Variants in STOX2 observed in about 807,000 individuals in gnomAD.
STOX2 encodes storkhead-box protein 2.
STOX2 carries 28 observed loss-of-function variants against 60.9 expected under a neutral mutation model. The ratio of observed to expected loss-of-function variants is 0.46; its 90% CI spans 0.34 to 0.63. STOX2 has a LOEUF of 0.63. Among genes scored for constraint, STOX2 ranks in the 30% least tolerant of loss-of-function variants. The pLI is 0.01. For missense variants in STOX2, 1,024 were observed against 1,187.7 expected, an observed-to-expected ratio of 0.86 and a Z score of 2.03; for synonymous variants, 472 against 463.9, an observed-to-expected ratio of 1.02 and a Z score of -0.22.
intron 1 of STOX2, among the ~76,000 whole-genome samples, chr4:183,944,618 C>G (rs1442236985): frequency 4.6e-5 from 7 of 152,060 alleles, no homozygotes; most frequent in Non-Finnish European, 8.8e-5. Context: ...GGAGGCTGAG[C>G]CAGGAGAATT....
At chr4:183,886,767 G>T (rs777535541) in intron 1 of STOX2, among the ~76,000 whole-genome samples, 3 of 152,058 alleles carry the variant, frequency 2.0e-5, no homozygotes, top group Non-Finnish European at 4.4e-5. Context: ...AAGCACAGAC[G>T]TCTCATTAGT....
Position 183,856,635 on chromosome 4 carries a change from C to T in STOX2, c.364+58580C>T, listed in dbSNP as rs532512227. Among the ~76,000 whole-genome samples, 3 of 152,254 alleles carry T rather than the reference C, an allele frequency of 2.0e-5. No homozygotes were observed. Among genetic ancestry groups the T allele is most frequent in the Middle Eastern group, 3.4e-3 (1 of 294 alleles). On this transcript the variant is annotated intron_variant, in intron 1 of 2. Coordinates refer to the STOX2 transcript ENST00000513034. This position sits in a 1 kb window ranked among gnomAD's most constrained non-coding sequence, Gnocchi z 4.0. ...ATGGTAGGGTGGTTCATGTGAACAT[C>T]GCTTTGCAGTTAGCTGTCTCGGACT...
intron 1 of STOX2, among the ~76,000 whole-genome samples, chr4:183,966,203 C>G (rs73008320): frequency 0.032 from 4,807 of 152,212 alleles, 83 homozygotes; most frequent in Admixed American, 0.064. Flanking sequence ...GTGGGTGGGC[C>G]TGCCCCTGTG....
intron 1 of STOX2, among the ~76,000 whole-genome samples, chr4:183,811,765 T>G (rs1739038342): frequency 6.6e-6 from 1 of 152,180 alleles, no homozygotes; most frequent in Non-Finnish European, 1.5e-5. Flanking sequence ...TCTCCTCTCT[T>G]TCTTCTTTTA....
intron 1 of STOX2, among the ~76,000 whole-genome samples, chr4:183,935,546 G>A (rs375398073): frequency 6.6e-6 from 1 of 152,248 alleles, no homozygotes; most frequent in South Asian, 2.1e-4. Flanking sequence ...GGGCCCAGGG[G>A]CCCAGCAGTT....
intron 1 of STOX2, among the ~76,000 whole-genome samples, chr4:183,866,501 G>C (rs913100893): frequency 5.3e-5 from 8 of 152,074 alleles, no homozygotes; most frequent in African/African-American, 1.7e-4. Flanking sequence ...CAGGCATTTT[G>C]CCTGATTTAT....
At chr4:183,938,397 G>A (rs1302811571) in intron 1 of STOX2, among the ~76,000 whole-genome samples, 1 of 152,146 alleles carries the variant, frequency 6.6e-6, no homozygotes, top group Non-Finnish European at 1.5e-5. Context: ...GGCTGAGCAC[G>A]GTGGCTCACG....
chr4:183,829,792 A>T (rs1280231481), intron 1 of STOX2, among the ~76,000 whole-genome samples: 1 of 152,190 alleles, frequency 6.6e-6, no homozygotes, highest in East Asian at 1.9e-4. Context: ...AATGAACTTT[A>T]TAATTAGATT....
intron 1 of STOX2, among the ~76,000 whole-genome samples, chr4:183,983,664 G>A (rs1202851252): frequency 6.6e-6 from 1 of 152,224 alleles, no homozygotes; most frequent in Non-Finnish European, 1.5e-5. Context: ...GGAGAATGGA[G>A]GTGTCAGGCT....
chr4:183,930,591 C>G (rs939210119), intron 1 of STOX2, among the ~76,000 whole-genome samples: 2 of 150,808 alleles, frequency 1.3e-5, no homozygotes, highest in Admixed American at 1.3e-4. Flanking sequence ...CTCTTTTGTT[C>G]AAGCCATCCT....
intron 1 of STOX2, among the ~76,000 whole-genome samples, chr4:183,975,367 CAA>C (rs1274349470): frequency 1.3e-5 from 2 of 151,816 alleles, no homozygotes; most frequent in South Asian, 2.1e-4. Context: ...AATTTGAAAA[CAA>C]TAGTGGAGAA....
chr4:183,868,054 G>A (rs968344040), intron 1 of STOX2, among the ~76,000 whole-genome samples: 14 of 151,944 alleles, frequency 9.2e-5, no homozygotes, highest in Non-Finnish European at 1.5e-4. Flanking sequence ...TTCTGGATCT[G>A]GGGCTTGACC....
Position 184,010,452 on chromosome 4 carries a change from C to T in STOX2, c.1614C>T (p.Thr538=), listed in dbSNP as rs756637380. 8 of 1,613,736 alleles carry T rather than the reference C, an allele frequency of 5.0e-6. No individual in the cohort carries two copies. The highest frequency in any genetic ancestry group is 4.5e-5 in the East Asian group (2 of 44,888). Residue 538 remains threonine (T), a synonymous_variant, in exon 3 of 4, where the codon ACC becomes ACT. Transcript: ENST00000308497. The surrounding 1 kb of genome is among the most constrained non-coding windows in gnomAD (Gnocchi z 4.5). ...IDDSTLRPAQ[T]VSLQRAHISS... The stretch of plus-strand genomic sequence containing the variant: ...ACAGTACTTTAAGGCCTGCACAGAC[C>T]GTTAGTCTCCAAAGGGCTCACATTT...
At chr4:184,014,424 T>C (rs1734283508) in intron 3 of STOX2, 1 of 152,134 alleles carries the variant, frequency 6.6e-6, no homozygotes, top group African/African-American at 2.4e-5. Context: ...ATCTGCTTAA[T>C]GTATTGCAAG....
intron 1 of STOX2, among the ~76,000 whole-genome samples, chr4:183,925,592 A>G (rs1229806831): frequency 6.6e-6 from 1 of 152,224 alleles, no homozygotes; most frequent in Non-Finnish European, 1.5e-5. Flanking sequence ...GCTCTAGTCA[A>G]GAAAAATTGA....
chr4:183,838,432 G>A (rs1161830637), intron 1 of STOX2, among the ~76,000 whole-genome samples: 1 of 151,694 alleles, frequency 6.6e-6, no homozygotes, highest in Non-Finnish European at 1.5e-5. Context: ...GGTGTGTCTT[G>A]ATTTATTATT....
intron 1 of STOX2, among the ~76,000 whole-genome samples, chr4:183,996,816 G>A (rs1250540806): frequency 6.6e-6 from 1 of 152,108 alleles, no homozygotes; most frequent in Non-Finnish European, 1.5e-5. Context: ...AGTAACTGCT[G>A]TGTTTGGAGG....
chr4:184,006,392 A>C (rs1733827662), intron 2 of STOX2, among the ~76,000 whole-genome samples: 1 of 152,146 alleles, frequency 6.6e-6, no homozygotes, highest in Non-Finnish European at 1.5e-5. Flanking sequence ...ACTGCGGTGC[A>C]GAGGTGTGCC....
At position 183,825,053 on chromosome 4, in the gene STOX2, G is replaced by A. The variant is rs1030441738; in HGVS notation, c.364+26998G>A. On this transcript the variant is annotated intron_variant, in intron 1 of 2. Coordinates refer to the STOX2 transcript ENST00000513034. This position sits in a 1 kb window ranked among gnomAD's most constrained non-coding sequence, Gnocchi z 4.1. ...AATCTTGGGCTTGGGGATCGGGGAG[G>A]AACATGGTGGATAATCCCTGGCTCT... Among the ~76,000 whole-genome samples the A allele has an allele frequency of 1.3e-5, 2 of 152,180 alleles. No individual in the cohort carries two copies. Among genetic ancestry groups the A allele is most frequent in the Non-Finnish European group, 2.9e-5 (2 of 68,028 alleles).
Sources: gnomAD v4.1 joint callset for allele counts (sites outside exome capture counted in the v4.1 genomes callset) on GRCh38, gnomAD v4.1.1 for gene constraint, Gnocchi (gnomAD v3.1) non-coding constraint, MANE v1.5 for transcripts, NCBI Gene and HGNC (gene_info 2026-07-23, HGNC 2026-07-21) for gene names.